GPAM: variants seen among roughly 807,000 people sequenced by gnomAD.
GPAM encodes the protein glycerol-3-phosphate acyltransferase, mitochondrial.
GPAM carries 56 observed loss-of-function variants against 105.0 expected under a neutral mutation model. That is an observed-to-expected ratio of 0.53 (90% CI 0.43 to 0.67). The LOEUF is 0.67. Ranked by LOEUF, GPAM falls within the 30% of genes least tolerant of loss-of-function variation. The pLI is 0.00. For missense variants in GPAM, 855 were observed against 989.8 expected, an observed-to-expected ratio of 0.86 and a Z score of 1.83; for synonymous variants, 368 against 354.4, an observed-to-expected ratio of 1.04 and a Z score of -0.43.
chr10:112,175,791 C>T (rs1847393367), intron 5 of GPAM, 78 bp from the exon 6 acceptor site: 1 of 883,460 alleles, frequency 1.1e-6, no homozygotes, highest in Non-Finnish European at 1.9e-6. Flanking sequence ...AATTTTCCGC[C>T]CATAAAAACA....
chr10:112,192,624 C>G (rs1301324600), intron 1 of GPAM, among the ~76,000 whole-genome samples: 1 of 152,174 alleles, frequency 6.6e-6, no homozygotes, highest in Non-Finnish European at 1.5e-5. Context: ...AGAGTGAGAA[C>G]TGAACCAAGG....
intron 1 of GPAM, among the ~76,000 whole-genome samples, chr10:112,192,035 G>C (rs1847665992): frequency 6.6e-6 from 1 of 152,208 alleles, no homozygotes; most frequent in African/African-American, 2.4e-5. Context: ...CAATGAGGAA[G>C]GGGACCAGCC....
chr10:112,185,121 C>T (rs1488799388), upstream of GPAM, among the ~76,000 whole-genome samples: 2 of 152,108 alleles, frequency 1.3e-5, no homozygotes, highest in Non-Finnish European at 2.9e-5. Flanking sequence ...GCAAAATTAG[C>T]TCTAATGTAA....
intron 11 of GPAM, among the ~76,000 whole-genome samples, 171 bp from the exon 12 acceptor site, chr10:112,166,686 G>A (rs571535409): frequency 3.3e-5 from 5 of 152,268 alleles, no homozygotes; most frequent in South Asian, 4.1e-4. Flanking sequence ...GTCAGAAAAC[G>A]TTTAGTATTC....
At chr10:112,198,964 C>G (rs1423188090) in intron 1 of GPAM, among the ~76,000 whole-genome samples, 1 of 151,634 alleles carries the variant, frequency 6.6e-6, no homozygotes, top group East Asian at 1.9e-4. Context: ...TGCTCTGTCG[C>G]CAGGCTGGAG....
Position 112,152,790 on chromosome 10 carries a change from T to C in GPAM, c.*760A>G. 1 of 691,256 alleles carries C rather than the reference T, an allele frequency of 1.4e-6. No homozygotes were observed. Among genetic ancestry groups the C allele is most frequent in the Non-Finnish European group, 1.8e-6 (1 of 561,492 alleles). 42.8% of individuals were successfully genotyped at this position (691,256 alleles called of 1,614,324 possible). A position where few individuals can be genotyped will look rare whatever the true frequency, so the allele number is the denominator to read the frequency against. ...CATTTGAAACTCAATGGCACTTGTT[T>C]ATATGAGCAAAAGCCTTCAACACCA... On this transcript the variant is annotated 3_prime_UTR_variant, in exon 22 of 22. Coordinates refer to ENST00000348367, the MANE Select transcript of GPAM (RefSeq NM_001244949.2).
At chr10:112,207,913 G>T (rs1847869345) in intron 1 of GPAM, among the ~76,000 whole-genome samples, 1 of 152,154 alleles carries the variant, frequency 6.6e-6, no homozygotes, top group Admixed American at 6.5e-5. Context: ...TGTAAGCATT[G>T]AGGTCCTAGC....
At chr10:112,165,549 G>A (rs1273718602) in intron 12 of GPAM, among the ~76,000 whole-genome samples, 3 of 152,128 alleles carry the variant, frequency 2.0e-5, no homozygotes, top group Non-Finnish European at 4.4e-5. Flanking sequence ...AATTAGCCAG[G>A]TGTGGTAGCG....
At position 112,154,626 on chromosome 10, in the gene GPAM, T is replaced by C; in HGVS notation, c.2370+3A>G. ...TTTTATACCATAAATGGTGGACACC[T>C]ACCCCAATATCCTTAAACATTTTCA... On this transcript the variant is annotated splice_donor_region_variant and intron_variant, in intron 21 of 21. Coordinates refer to ENST00000348367, the MANE Select transcript of GPAM (RefSeq NM_001244949.2). 6.3e-7 allele frequency: 1 copy of C among 1,583,940 alleles called. No homozygotes were observed. Among genetic ancestry groups the C allele is most frequent in the Non-Finnish European group, 8.7e-7 (1 of 1,152,426 alleles).
chr10:112,207,286 T>C (rs1017778633), intron 1 of GPAM, among the ~76,000 whole-genome samples: 1 of 152,078 alleles, frequency 6.6e-6, no homozygotes, highest in African/African-American at 2.4e-5. Flanking sequence ...AGGGCCAAGG[T>C]TGACCCATTC....
chr10:112,150,189 A>C lies in GPAM; in HGVS notation c.*3361T>G, dbSNP rs1200770644. On this transcript the variant is annotated 3_prime_UTR_variant, in exon 22 of 22. Transcript: ENST00000348367. ...TCTCAGGTTTCTAAAATAGTTTTAA[A>C]AAACAGGTTTACAGCCCATAGTAAG... The C allele has an allele frequency of 1.0e-6, 1 of 985,198 alleles. No homozygotes were observed. Among genetic ancestry groups the C allele is most frequent in the Non-Finnish European group, 1.2e-6 (1 of 829,794 alleles). The allele number at this position is 985,198 out of a possible 1,614,324, so 61.0% of individuals were successfully genotyped here. A position where few individuals can be genotyped will look rare whatever the true frequency, so the allele number is the denominator to read the frequency against.
At chr10:112,187,865 C>T (rs533411351), upstream of GPAM, among the ~76,000 whole-genome samples, 16 of 151,838 alleles carry the variant, frequency 1.1e-4, no homozygotes, top group East Asian at 9.6e-4. Flanking sequence ...ACTCTGAGCA[C>T]GGTAGAAATT....
intron 1 of GPAM, among the ~76,000 whole-genome samples, chr10:112,193,939 T>C (rs147027217): frequency 3.1e-4 from 47 of 152,306 alleles, no homozygotes; most frequent in African/African-American, 1.1e-3. Context: ...TTGAAACTCA[T>C]ATGAACCCTT....
chr10:112,173,637 A>T, intron 7 of GPAM, 62 bp downstream of exon 7: 1 of 1,469,642 alleles, frequency 6.8e-7, no homozygotes, highest in Non-Finnish European at 9.5e-7. Context: ...TCAATAATTC[A>T]GTCTTATTTG....
upstream of GPAM, among the ~76,000 whole-genome samples, chr10:112,216,036 C>T (rs1487182857): frequency 6.6e-6 from 1 of 152,082 alleles, no homozygotes; most frequent in Non-Finnish European, 1.5e-5. Flanking sequence ...AATAAAGGCC[C>T]TTGCTAGCTG....
the GPAM span, among the ~76,000 whole-genome samples, chr10:112,227,534 G>T: frequency 6.6e-6 from 1 of 152,178 alleles, no homozygotes; most frequent in Admixed American, 6.5e-5. Flanking sequence ...CTTCCACAGG[G>T]CTGAAGCCAA....
chr10:112,216,445 G>A (rs1028284190), upstream of GPAM, among the ~76,000 whole-genome samples: 1 of 152,102 alleles, frequency 6.6e-6, no homozygotes, highest in African/African-American at 2.4e-5. Context: ...TGAAGGGTAT[G>A]GGCCTGTCCA....
At chr10:112,208,927 G>A (rs937073439) in intron 1 of GPAM, among the ~76,000 whole-genome samples, 2 of 152,190 alleles carry the variant, frequency 1.3e-5, no homozygotes, top group African/African-American at 4.8e-5. Flanking sequence ...CTGCTGTCTG[G>A]AATGTGGGTG....
At chr10:112,192,196 G>T (rs753015627) in intron 1 of GPAM, among the ~76,000 whole-genome samples, 11 of 152,120 alleles carry the variant, frequency 7.2e-5, no homozygotes, top group Non-Finnish European at 1.3e-4. Context: ...GTATTCATTC[G>T]TTTATCCATT....
Sources: gnomAD v4.1 joint callset for allele counts (sites outside exome capture counted in the v4.1 genomes callset) on GRCh38, gnomAD v4.1.1 for gene constraint, MANE v1.5 for transcripts, NCBI Gene and HGNC (gene_info 2026-07-23, HGNC 2026-07-21) for gene names.